ANO3: variants seen among roughly 807,000 people sequenced by gnomAD.
ANO3 encodes anoctamin-3.
A neutral mutation model predicts 144.8 loss-of-function variants in ANO3; 99 were observed. The observed-to-expected ratio is 0.68, with a 90% CI of 0.58 to 0.81. The LOEUF (loss-of-function observed/expected upper bound fraction) is 0.81, where lower values mean the gene tolerates loss of function less well. Ranked by LOEUF, ANO3 falls within the 30% of genes least tolerant of loss-of-function variation. The pLI, the probability that ANO3 is intolerant of heterozygous loss-of-function variation, is 0.00. For synonymous variants in ANO3, 414 were observed against 392.6 expected, an observed-to-expected ratio of 1.05 and a Z score of -0.64; for missense variants, 905 against 1,202.2, an observed-to-expected ratio of 0.75 and a Z score of 3.66.
chr11:26,217,832 GT>G (rs1852064537), intron 1 of ANO3, among the ~76,000 whole-genome samples: 1 of 152,000 alleles, frequency 6.6e-6, no homozygotes, highest in Non-Finnish European at 1.5e-5. Context: ...GGTTGTTGTT[GT>G]TGTTGTTGTG....
intron 1 of ANO3, among the ~76,000 whole-genome samples, chr11:26,209,225 A>G (rs1420342199): frequency 6.6e-6 from 1 of 152,136 alleles, no homozygotes; most frequent in Non-Finnish European, 1.5e-5. Flanking sequence ...AACTCCCAAT[A>G]TCAGTGAGAA....
intron 5 of ANO3, among the ~76,000 whole-genome samples, chr11:26,511,650 T>C (rs939839679): frequency 1.3e-5 from 2 of 152,120 alleles, no homozygotes; most frequent in Admixed American, 1.3e-4. Context: ...GGCAGTGGTA[T>C]GGTCTGGAGG....
intron 5 of ANO3, among the ~76,000 whole-genome samples, chr11:26,512,091 T>G (rs1013348018): frequency 1.3e-5 from 2 of 152,206 alleles, no homozygotes; most frequent in Non-Finnish European, 2.9e-5. Flanking sequence ...AACATAGATT[T>G]GAAGAACAAG....
intron 17 of ANO3, among the ~76,000 whole-genome samples, chr11:26,623,527 G>T (rs773655547): frequency 6.6e-6 from 1 of 152,018 alleles, no homozygotes; most frequent in Non-Finnish European, 1.5e-5. Context: ...ATATAGGAGA[G>T]GGGAAAAGAT....
chr11:26,203,355 T>C (rs1851734288), intron 1 of ANO3, among the ~76,000 whole-genome samples: 1 of 152,070 alleles, frequency 6.6e-6, no homozygotes, highest in South Asian at 2.1e-4. Flanking sequence ...CCAAATTGGG[T>C]CCAAGAATTA....
At chr11:26,413,990 A>G (rs1489226570) in intron 1 of ANO3, among the ~76,000 whole-genome samples, 1 of 152,116 alleles carries the variant, frequency 6.6e-6, no homozygotes, top group East Asian at 1.9e-4. Context: ...ATCACTGAAA[A>G]CTATAAAATA....
At chr11:26,508,407 A>G in intron 5 of ANO3, 145 bp downstream of exon 5, 1 of 615,894 alleles carries the variant, frequency 1.6e-6, no homozygotes, top group South Asian at 2.8e-5. Flanking sequence ...ATACATGCAC[A>G]TAGCCCTATT....
chr11:26,451,390 C>T lies in ANO3; in HGVS notation c.313+7554C>T, dbSNP rs958452352. On this transcript the variant is annotated intron_variant, in intron 3 of 26. Coordinates refer to ENST00000256737, the MANE Select transcript of ANO3 (RefSeq NM_031418.4). The stretch of plus-strand genomic sequence containing the variant: ...TCGGGTCACTCCCACCCGAATACTG[C>T]GCTTTTCCGACGGGCTTAAAAAACG... Among the ~76,000 whole-genome samples the T allele has an allele frequency of 3.9e-5, 6 of 152,306 alleles. 1 individual carries two copies. Among genetic ancestry groups the T allele is most frequent in the African/African-American group, 4.8e-5 (2 of 41,568 alleles).
intron 3 of ANO3, among the ~76,000 whole-genome samples, chr11:26,455,679 G>A (rs983716725): frequency 3.6e-4 from 54 of 151,870 alleles, no homozygotes; most frequent in Middle Eastern, 3.4e-3. Context: ...TGCCATCCCC[G>A]TCAAGCTACC....
At chr11:26,278,517 C>T (rs1238441154) in intron 1 of ANO3, among the ~76,000 whole-genome samples, 1 of 152,016 alleles carries the variant, frequency 6.6e-6, no homozygotes. Flanking sequence ...TCAGACTTTA[C>T]TGTTTACTGT....
In ANO3 at chr11:26,454,914, T is replaced by A. The variant is rs556139314; in HGVS notation, c.314-8116T>A. 6.9e-5 allele frequency among the ~76,000 whole-genome samples: 10 copies of A among 145,384 alleles called. No individual in the cohort carries two copies. In the South Asian group the frequency reaches 2.0e-3, roughly 30 times the overall value. The stretch of plus-strand genomic sequence containing the variant: ...TTCATCCCTGGGATGCAAGGCTGGT[T>A]CAATATACGTAAATCAATAAATGTA... On this transcript the variant is annotated intron_variant, in intron 3 of 26. Coordinates refer to ENST00000256737, the MANE Select transcript of ANO3 (RefSeq NM_031418.4).
chr11:26,344,159 A>C (rs1000156418), intron 1 of ANO3, among the ~76,000 whole-genome samples: 2 of 152,180 alleles, frequency 1.3e-5, no homozygotes, highest in African/African-American at 4.8e-5. Flanking sequence ...AATAGAGAGC[A>C]ATATTATTCA....
intron 24 of ANO3, among the ~76,000 whole-genome samples, chr11:26,649,209 T>A (rs1245639700): frequency 6.6e-6 from 1 of 152,162 alleles, no homozygotes; most frequent in Non-Finnish European, 1.5e-5. Flanking sequence ...CAGAAATACA[T>A]ATTACTAATA....
intron 1 of ANO3, among the ~76,000 whole-genome samples, chr11:26,380,262 T>C (rs1019388181): frequency 6.6e-6 from 1 of 152,248 alleles, no homozygotes; most frequent in African/African-American, 2.4e-5. Context: ...CTTATTTTGA[T>C]ATTTTGTATT....
chr11:26,562,826 C>G (rs1850346726), intron 14 of ANO3, among the ~76,000 whole-genome samples: 1 of 151,822 alleles, frequency 6.6e-6, no homozygotes, highest in African/African-American at 2.4e-5. Context: ...GAATGTCCTA[C>G]CATTCATTAT....
chr11:26,496,974 GTATATA>G (rs71047855), intron 4 of ANO3, among the ~76,000 whole-genome samples: 3 of 136,508 alleles, frequency 2.2e-5, no homozygotes, highest in Non-Finnish European at 1.6e-5. Context: ...AATGTTGTGT[GTATATA>G]TATATATATA....
chr11:26,303,685 C>T (rs1854289936), intron 1 of ANO3, among the ~76,000 whole-genome samples: 1 of 152,086 alleles, frequency 6.6e-6, no homozygotes, highest in South Asian at 2.1e-4. Flanking sequence ...AAATGTACCA[C>T]TTGAATCTAA....
intron 1 of ANO3, among the ~76,000 whole-genome samples, chr11:26,417,076 T>C (rs1161940159): frequency 6.6e-6 from 1 of 152,134 alleles, no homozygotes; most frequent in Non-Finnish European, 1.5e-5. Flanking sequence ...GGATTCATTC[T>C]CTAGAACCAT....
At chr11:26,292,206 A>G (rs1590238759) in intron 1 of ANO3, among the ~76,000 whole-genome samples, 1 of 152,114 alleles carries the variant, frequency 6.6e-6, no homozygotes, top group Admixed American at 6.6e-5. Flanking sequence ...CCAATCAGTT[A>G]CTGACACTTG....
Sources: allele counts gnomAD v4.1 joint callset (sites outside exome capture counted in the v4.1 genomes callset), GRCh38; gene constraint gnomAD v4.1.1; transcripts MANE v1.5; gene names NCBI Gene and HGNC (gene_info 2026-07-23, HGNC 2026-07-21).